Variants in NEK1 observed in about 807,000 individuals in gnomAD.
NEK1 encodes the protein serine/threonine-protein kinase Nek1.
In NEK1, 137 loss-of-function variants were observed where a neutral mutation model predicts 182.1. The observed-to-expected ratio is 0.75, with a 90% CI of 0.65 to 0.87. The LOEUF (loss-of-function observed/expected upper bound fraction) is 0.87. Among genes scored for constraint, NEK1 ranks in the 40% least tolerant of loss-of-function variants. The pLI, the probability that NEK1 is intolerant of heterozygous loss-of-function variation, is 0.00. For missense variants in NEK1, 1,391 were observed against 1,494.4 expected (o/e 0.93, Z 1.14); for synonymous variants, 513 against 492.2 (o/e 1.04, Z -0.56).
chr4:169,599,235 G>C (rs759400390), intron 4 of NEK1, 38 bp from the exon 5 acceptor site: 2 of 1,438,904 alleles, frequency 1.4e-6, no homozygotes, highest in Non-Finnish European at 1.9e-6. Flanking sequence ...TTTTAAAAAC[G>C]TACATCAAAA....
intron 18 of NEK1, among the ~76,000 whole-genome samples, chr4:169,548,457 T>G (rs772712488): frequency 6.6e-6 from 1 of 152,168 alleles, no homozygotes; most frequent in African/African-American, 2.4e-5. Flanking sequence ...GGGACCCACT[T>G]GAGGAGGCCC....
chr4:169,413,220 C>T (rs571529352), intron 31 of NEK1, among the ~76,000 whole-genome samples: 5 of 151,048 alleles, frequency 3.3e-5, no homozygotes, highest in Admixed American at 6.6e-5. Context: ...CAGGCTGGAG[C>T]GTGACGGCAT....
chr4:169,508,907 C>T (rs1753751546), intron 19 of NEK1, 55 bp from the exon 20 acceptor site: 2 of 1,385,690 alleles, frequency 1.4e-6, no homozygotes, highest in Admixed American at 4.0e-5. Context: ...ACATTATTAT[C>T]TTACCAAGGA....
chr4:169,526,858 G>C (rs1756967847), intron 19 of NEK1, among the ~76,000 whole-genome samples: 1 of 152,184 alleles, frequency 6.6e-6, no homozygotes, highest in African/African-American at 2.4e-5. Flanking sequence ...TGCCATCAGA[G>C]AACCAGAAGA....
intron 35 of NEK1, among the ~76,000 whole-genome samples, chr4:169,399,385 T>C (rs1226407486): frequency 6.6e-6 from 1 of 152,130 alleles, no homozygotes; most frequent in African/African-American, 2.4e-5. Flanking sequence ...AAGACCAGCC[T>C]GGCCAACATG....
chr4:169,413,847 T>A (rs1734072895), intron 31 of NEK1, among the ~76,000 whole-genome samples: 1 of 152,166 alleles, frequency 6.6e-6, no homozygotes, highest in African/African-American at 2.4e-5. Context: ...TGAAACTCCG[T>A]CTCCACTAAA....
At chr4:169,514,052 C>CT (rs1754673329) in intron 19 of NEK1, among the ~76,000 whole-genome samples, 1 of 151,754 alleles carries the variant, frequency 6.6e-6, no homozygotes. Flanking sequence ...GTGGTGCAAT[C>CT]TTGGCTCACT....
intron 29 of NEK1, among the ~76,000 whole-genome samples, chr4:169,432,407 A>C (rs1031657337): frequency 6.6e-6 from 1 of 152,210 alleles, no homozygotes; most frequent in Non-Finnish European, 1.5e-5. Flanking sequence ...TACACATACG[A>C]AAGTCACTTT....
At chr4:169,422,359 A>G (rs1036921652) in intron 31 of NEK1, among the ~76,000 whole-genome samples, 1 of 152,144 alleles carries the variant, frequency 6.6e-6, no homozygotes, top group African/African-American at 2.4e-5. Context: ...ATTTATTAGA[A>G]CATATATGTT....
intron 18 of NEK1, among the ~76,000 whole-genome samples, chr4:169,549,994 T>C (rs558649451): frequency 1.5e-4 from 23 of 152,348 alleles, no homozygotes; most frequent in Non-Finnish European, 3.1e-4. Flanking sequence ...AGTGCAATTC[T>C]CAGATTCTTT....
intron 23 of NEK1, among the ~76,000 whole-genome samples, chr4:169,490,388 A>ATG (rs1240487709): frequency 6.6e-6 from 1 of 152,146 alleles, no homozygotes; most frequent in African/African-American, 2.4e-5. Context: ...GATCCACTAG[A>ATG]TGTGCAGTTA....
chr4:169,441,968 A>G (rs1253214230), intron 27 of NEK1, among the ~76,000 whole-genome samples: 3 of 152,020 alleles, frequency 2.0e-5, no homozygotes, highest in Admixed American at 1.3e-4. Context: ...CTGAGACCCA[A>G]CCTGCAGCCA....
chr4:169,577,070 G>A lies in NEK1; in HGVS notation c.878C>T (p.Pro293Leu). The A allele has an allele frequency of 6.2e-7, 1 of 1,613,390 alleles. No homozygotes were observed. Among genetic ancestry groups the A allele is most frequent in the Non-Finnish European group, 8.5e-7 (1 of 1,179,638 alleles). ...FGSQPIPAKR[P>L]ASGQNSISVM... ...AGAAATCGAGTTTTGTCCTGAAGCT[G>A]GTCTTTTAGCTAGATGAAAAGATAC... Residue 293 changes from proline to leucine, a missense_variant, in exon 12 of 36, where the codon CCA becomes CTA. Physicochemically the swap from Pro to Leu is moderately conservative, Grantham distance 98. Coordinates refer to ENST00000507142, the MANE Select transcript of NEK1 (RefSeq NM_001199397.3).
intron 23 of NEK1, among the ~76,000 whole-genome samples, chr4:169,495,695 C>CA (rs1268724618): frequency 6.6e-6 from 1 of 152,126 alleles, no homozygotes; most frequent in African/African-American, 2.4e-5. Flanking sequence ...TCAGGTTTGT[C>CA]AAAGATCAGA....
At chr4:169,426,979 AT>A (rs1417316276) in intron 29 of NEK1, among the ~76,000 whole-genome samples, 1 of 152,176 alleles carries the variant, frequency 6.6e-6, no homozygotes, top group East Asian at 1.9e-4. Context: ...TGGGAATTAA[AT>A]TCATGCATTT....
chr4:169,551,980 A>G (rs1761494370), intron 18 of NEK1, among the ~76,000 whole-genome samples: 1 of 152,124 alleles, frequency 6.6e-6, no homozygotes, highest in African/African-American at 2.4e-5. Context: ...AGCAAAAGAA[A>G]GAGTATTAAA....
At chr4:169,406,828 A>T in intron 31 of NEK1, 81 bp from the exon 32 acceptor site, 1 of 1,203,578 alleles carries the variant, frequency 8.3e-7, no homozygotes, top group Non-Finnish European at 1.2e-6. Context: ...AACTAATCAC[A>T]ATTTTGTTAC....
In NEK1 at chr4:169,587,550, TCTA is replaced by T; in HGVS notation, c.606+6_606+8del. ...TAACTTTGAAAGTATTTCAGAAACT[TCTA>T]CTTACAGCATGTTTAAGTGTACACA... On this transcript the variant is annotated splice_donor_region_variant and intron_variant, in intron 9 of 35. Coordinates refer to ENST00000507142, the MANE Select transcript of NEK1 (RefSeq NM_001199397.3). 6.9e-7 allele frequency: 1 copy of T among 1,447,094 alleles called. No individual in the cohort carries two copies. Among genetic ancestry groups the T allele is most frequent in the Non-Finnish European group, 9.3e-7 (1 of 1,073,564 alleles). 89.6% of individuals were successfully genotyped at this position (1,447,094 alleles called of 1,614,324 possible).
At chr4:169,434,458 C>T (rs1241515061) in intron 28 of NEK1, among the ~76,000 whole-genome samples, 1 of 152,150 alleles carries the variant, frequency 6.6e-6, no homozygotes, top group Non-Finnish European at 1.5e-5. Flanking sequence ...AGTGATCCAC[C>T]TGCCTCAGCC....
Sources: allele counts gnomAD v4.1 joint callset (sites outside exome capture counted in the v4.1 genomes callset), GRCh38; gene constraint gnomAD v4.1.1; transcripts MANE v1.5; gene names NCBI Gene and HGNC (gene_info 2026-07-23, HGNC 2026-07-21).